The following NRXN3 variants were observed in gnomAD, a reference collection of about 807,000 sequenced individuals.
NRXN3 encodes neurexin 3, also known as neurexin III.
A neutral mutation model predicts 137.6 loss-of-function variants in NRXN3; 32 were observed. That is an observed-to-expected ratio of 0.23 (90% CI 0.18 to 0.31). NRXN3 has a LOEUF of 0.31. Ranked by LOEUF, NRXN3 falls within the 10% of genes least tolerant of loss-of-function variation. NRXN3 has a pLI of 1.00. For missense variants in NRXN3, 1,574 were observed against 2,062.5 expected (o/e 0.76, Z 4.59); for synonymous variants, 798 against 784.5 (o/e 1.02, Z -0.29).
At chr14:78,356,591 T>A (rs1312390131) in intron 4 of NRXN3, among the ~76,000 whole-genome samples, 2 of 152,134 alleles carry the variant, frequency 1.3e-5, no homozygotes, top group Non-Finnish European at 2.9e-5. Context: ...CAGAACCCCG[T>A]TACCAGGGAA....
chr14:79,384,890 G>A (rs1025034893), intron 15 of NRXN3, among the ~76,000 whole-genome samples: 3 of 152,080 alleles, frequency 2.0e-5, no homozygotes, highest in Admixed American at 6.6e-5. Flanking sequence ...TGGAACAATC[G>A]CTGCTGTATA....
intron 15 of NRXN3, among the ~76,000 whole-genome samples, chr14:79,122,491 T>C (rs1280757484): frequency 6.6e-6 from 1 of 152,206 alleles, no homozygotes; most frequent in Non-Finnish European, 1.5e-5. Context: ...TTCCAGATAC[T>C]ACATGGGATA....
At chr14:79,760,746 AG>A (rs1439247582) in intron 19 of NRXN3, 1 of 150,920 alleles carries the variant, frequency 6.6e-6, no homozygotes, top group East Asian at 1.9e-4. Context: ...AGCTTCATAG[AG>A]GCCATCTACA....
intron 10 of NRXN3, among the ~76,000 whole-genome samples, chr14:78,918,202 T>G (rs919772404): frequency 2.8e-4 from 41 of 146,870 alleles, no homozygotes; most frequent in South Asian, 8.5e-4. Flanking sequence ...GGAGAATCGC[T>G]TGAACCTGGG....
intron 15 of NRXN3, among the ~76,000 whole-genome samples, chr14:79,358,816 C>T (rs1422724736): frequency 6.6e-6 from 1 of 152,024 alleles, no homozygotes; most frequent in Non-Finnish European, 1.5e-5. Context: ...AAAGGCCAAA[C>T]CACTACTAAC....
chr14:78,987,415 C>T (rs2099509152), intron 14 of NRXN3, among the ~76,000 whole-genome samples: 2 of 152,070 alleles, frequency 1.3e-5, no homozygotes, highest in South Asian at 2.1e-4. Flanking sequence ...AATTACTTAC[C>T]TCTTAGAGTA....
chr14:78,864,241 T>G (rs2152540301), intron 10 of NRXN3, among the ~76,000 whole-genome samples: 1 of 152,258 alleles, frequency 6.6e-6, no homozygotes, highest in South Asian at 2.1e-4. Flanking sequence ...AATTGAAAAG[T>G]TCAACAAGTG....
intron 10 of NRXN3, among the ~76,000 whole-genome samples, chr14:78,929,538 C>T (rs1355290337): frequency 6.6e-6 from 1 of 152,174 alleles, no homozygotes; most frequent in Non-Finnish European, 1.5e-5. Context: ...GACACGATCT[C>T]ATTCTTTTTT....
At chr14:79,601,040 C>CTTTTTTTTTTTTTTTTTTT (rs36044631) in intron 16 of NRXN3, among the ~76,000 whole-genome samples, 1 of 93,424 alleles carries the variant, frequency 1.1e-5, no homozygotes, top group Non-Finnish European at 2.0e-5. Context: ...TCTTTGTTGC[C>CTTTTTTTTTTTTTTTTTTT]TTTTTTTTTT....
At chr14:78,976,939 G>T (rs904077698) in intron 14 of NRXN3, among the ~76,000 whole-genome samples, 1 of 152,206 alleles carries the variant, frequency 6.6e-6, no homozygotes, top group Non-Finnish European at 1.5e-5. Context: ...TTGGCAGGTT[G>T]TATCTCCATT....
intron 15 of NRXN3, among the ~76,000 whole-genome samples, chr14:79,377,437 C>T (rs867576576): frequency 8.6e-5 from 13 of 151,930 alleles, no homozygotes; most frequent in East Asian, 7.7e-4. Flanking sequence ...TTGAGTTATC[C>T]GCTGTTTAGG....
intron 15 of NRXN3, among the ~76,000 whole-genome samples, chr14:79,328,471 A>C (rs2091228462): frequency 6.6e-6 from 1 of 152,212 alleles, no homozygotes; most frequent in African/African-American, 2.4e-5. Context: ...TGATTACATA[A>C]TTTGCACAAT....
chr14:79,283,366 C>A (rs929731644), intron 15 of NRXN3, among the ~76,000 whole-genome samples: 1 of 152,116 alleles, frequency 6.6e-6, no homozygotes, highest in African/African-American at 2.4e-5. Context: ...AGCCAAAGTC[C>A]TCAAAGCTGC....
At chr14:78,768,255 G>A (rs1237008378) in intron 8 of NRXN3, among the ~76,000 whole-genome samples, 1 of 151,946 alleles carries the variant, frequency 6.6e-6, no homozygotes, top group Non-Finnish European at 1.5e-5. Context: ...TCCTTCTCAG[G>A]CCTTCATGAT....
intron 2 of NRXN3, among the ~76,000 whole-genome samples, chr14:78,274,619 G>A (rs978577711): frequency 1.3e-5 from 2 of 152,212 alleles, no homozygotes; most frequent in African/African-American, 4.8e-5. Flanking sequence ...TTGGACTTGA[G>A]GATGACCATG....
intron 4 of NRXN3, among the ~76,000 whole-genome samples, chr14:78,634,360 A>G (rs891282740): frequency 2.0e-5 from 3 of 152,234 alleles, no homozygotes; most frequent in Non-Finnish European, 4.4e-5. Flanking sequence ...TCAATTCCAC[A>G]GGTCTTTACT....
intron 19 of NRXN3, among the ~76,000 whole-genome samples, chr14:79,713,225 C>T (rs1178063783): frequency 7.9e-6 from 1 of 126,612 alleles, no homozygotes; most frequent in Non-Finnish European, 1.6e-5. Flanking sequence ...CAGTGGACCT[C>T]AAAGTAGCAC....
At chr14:78,661,037 A>C (rs114651880) in intron 6 of NRXN3, among the ~76,000 whole-genome samples, 5,034 of 152,312 alleles carry the variant, frequency 0.033, 273 homozygotes, top group African/African-American at 0.12. Flanking sequence ...TTTGAAACCT[A>C]GTTGGTGGTT....
intron 8 of NRXN3, among the ~76,000 whole-genome samples, chr14:78,794,844 G>A (rs1034147404): frequency 6.6e-6 from 1 of 151,986 alleles, no homozygotes; most frequent in Admixed American, 6.6e-5. Flanking sequence ...GGAGGCCAAG[G>A]CAGGAGAATC....
Sources: gnomAD v4.1 joint callset for allele counts (sites outside exome capture counted in the v4.1 genomes callset) on GRCh38, gnomAD v4.1.1 for gene constraint, MANE v1.5 for transcripts, NCBI Gene and HGNC (gene_info 2026-07-23, HGNC 2026-07-21) for gene names.